The following GALNTL6 variants were observed in gnomAD, a reference collection of about 807,000 sequenced individuals.
GALNTL6 encodes polypeptide N-acetylgalactosaminyltransferase-like 6.
Under a neutral mutation model 73.7 loss-of-function variants are expected in GALNTL6, and 46 were observed. The observed-to-expected ratio is 0.62, with a 90% CI of 0.49 to 0.80. The LOEUF is 0.80. GALNTL6 is among the 30% of genes least tolerant of loss of function. The pLI is 0.00. For missense variants in GALNTL6, 604 were observed against 755.0 expected, an observed-to-expected ratio of 0.80 and a Z score of 2.34; for synonymous variants, 259 against 263.7, an observed-to-expected ratio of 0.98 and a Z score of 0.17.
intron 10 of GALNTL6, among the ~76,000 whole-genome samples, chr4:172,954,898 C>G (rs574913619): frequency 1.3e-5 from 2 of 152,208 alleles, no homozygotes; most frequent in Non-Finnish European, 2.9e-5. Flanking sequence ...GGGCCAGTTG[C>G]ATTCAGTTGA....
At chr4:171,823,921 T>G (rs1412468891) in intron 2 of GALNTL6, among the ~76,000 whole-genome samples, 2 of 150,546 alleles carry the variant, frequency 1.3e-5, no homozygotes, top group Admixed American at 1.3e-4. Context: ...AGATAATATA[T>G]TCATAATAAA....
chr4:172,407,818 T>A (rs1041507984), intron 5 of GALNTL6, among the ~76,000 whole-genome samples: 1 of 152,082 alleles, frequency 6.6e-6, no homozygotes, highest in African/African-American at 2.4e-5. Flanking sequence ...ATTGAATGTT[T>A]AGCTAATTCC....
Position 172,290,784 on chromosome 4 carries a change from G to A in GALNTL6, c.248-20830G>A, listed in dbSNP as rs187784566. On this transcript the variant is annotated intron_variant, in intron 3 of 12. Coordinates refer to ENST00000506823, the MANE Select transcript of GALNTL6 (RefSeq NM_001034845.3). Reference sequence around the variant, plus strand: ...ATTTATATATGTATTCACTAATTTGGAAAGTGGATGCTACATAAAAAAAGC... The same window carrying A: ...ATTTATATATGTATTCACTAATTTGAAAAGTGGATGCTACATAAAAAAAGC... Among the ~76,000 whole-genome samples the A allele has an allele frequency of 2.0e-5, 3 of 151,500 alleles. No homozygotes were observed. The East Asian group carries it at 5.8e-4, about 29-fold the overall frequency.
intron 10 of GALNTL6, among the ~76,000 whole-genome samples, chr4:173,007,089 A>G (rs1752336030): frequency 6.6e-6 from 1 of 152,152 alleles, no homozygotes; most frequent in Non-Finnish European, 1.5e-5. Context: ...CTCTACTCCT[A>G]GAATAAATGA....
At chr4:172,291,307 G>C (rs1465322747) in intron 3 of GALNTL6, among the ~76,000 whole-genome samples, 1 of 151,920 alleles carries the variant, frequency 6.6e-6, no homozygotes, top group Non-Finnish European at 1.5e-5. Flanking sequence ...ACATTTTGGG[G>C]ATTAAAATAA....
intron 3 of GALNTL6, among the ~76,000 whole-genome samples, chr4:172,238,712 G>T (rs1211784393): frequency 6.6e-6 from 1 of 151,944 alleles, no homozygotes; most frequent in Non-Finnish European, 1.5e-5. Flanking sequence ...GCTTTTGTCT[G>T]TTCTGTATGA....
intron 5 of GALNTL6, among the ~76,000 whole-genome samples, chr4:172,481,352 AGAGT>A (rs1733461067): frequency 6.6e-6 from 1 of 152,096 alleles, no homozygotes; most frequent in Non-Finnish European, 1.5e-5. Context: ...GCGGACCCAA[AGAGT>A]GAGCACCAGC....
chr4:171,868,838 C>T (rs1433133765), intron 2 of GALNTL6, among the ~76,000 whole-genome samples: 1 of 152,102 alleles, frequency 6.6e-6, no homozygotes, highest in Non-Finnish European at 1.5e-5. Flanking sequence ...TGGGCCCCCA[C>T]CTGGCTAAGT....
intron 2 of GALNTL6, among the ~76,000 whole-genome samples, chr4:172,027,379 C>G (rs568200420): frequency 5.5e-4 from 84 of 152,188 alleles, no homozygotes; most frequent in South Asian, 2.3e-3. Flanking sequence ...TATTATATCT[C>G]TTATGGTGAT....
chr4:173,040,131 A>G lies in GALNTL6; in HGVS notation c.*31A>G, dbSNP rs771574617. 6 of 1,532,598 alleles carry G rather than the reference A, an allele frequency of 3.9e-6. No individual in the cohort carries two copies. Among genetic ancestry groups the G allele is most frequent in the Non-Finnish European group, 5.4e-6 (6 of 1,118,762 alleles). The allele number at this position is 1,532,598 out of a possible 1,614,324, so 94.9% of individuals were successfully genotyped here. On this transcript the variant is annotated 3_prime_UTR_variant, in exon 13 of 13. Coordinates refer to ENST00000506823, the MANE Select transcript of GALNTL6 (RefSeq NM_001034845.3). ...AGAAAGGAAGAAAGAGTGATTACCTACAGGTTATAAATTAAATTTTAGCCA... is the reference window on the plus strand; with the variant it reads ...AGAAAGGAAGAAAGAGTGATTACCTGCAGGTTATAAATTAAATTTTAGCCA...
At chr4:172,308,774 T>G (rs1041919551) in intron 3 of GALNTL6, among the ~76,000 whole-genome samples, 1 of 152,192 alleles carries the variant, frequency 6.6e-6, no homozygotes, top group Non-Finnish European at 1.5e-5. Flanking sequence ...ATTTATGTCG[T>G]TTAAACATTT....
chr4:172,355,962 A>T (rs1181938974), intron 5 of GALNTL6, among the ~76,000 whole-genome samples: 1 of 152,150 alleles, frequency 6.6e-6, no homozygotes, highest in Non-Finnish European at 1.5e-5. Context: ...TCCTGGGCTC[A>T]TGTTTTAAAC....
intron 3 of GALNTL6, among the ~76,000 whole-genome samples, chr4:172,255,998 A>G (rs1284562541): frequency 1.3e-5 from 2 of 151,542 alleles, no homozygotes; most frequent in African/African-American, 2.4e-5. Context: ...AGTTCTATGC[A>G]TATCGCATAT....
intron 2 of GALNTL6, among the ~76,000 whole-genome samples, chr4:171,835,015 T>G (rs1016683078): frequency 2.0e-5 from 3 of 152,034 alleles, no homozygotes; most frequent in African/African-American, 7.2e-5. Flanking sequence ...CACCTAGTTT[T>G]ACCACTTATT....
At chr4:172,728,188 G>A (rs536407895) in intron 5 of GALNTL6, among the ~76,000 whole-genome samples, 1 of 152,134 alleles carries the variant, frequency 6.6e-6, no homozygotes, top group African/African-American at 2.4e-5. Context: ...CAGCCACCAA[G>A]CCCGGCCCAA....
rs145366599 is a variant in GALNTL6 at position 172,988,807 on chromosome 4, G to A, written c.1372-20371G>A. ...GTCTCAGGCCACTGCTCCAGAGGGT[G>A]CAAGCCCTAAGCCTTGGCAGCTTCC... is the stretch of plus-strand genomic sequence containing the variant. On this transcript the variant is annotated intron_variant, in intron 10 of 12. Coordinates refer to ENST00000506823, the MANE Select transcript of GALNTL6 (RefSeq NM_001034845.3). Among the ~76,000 whole-genome samples the A allele has an allele frequency of 7.8e-3, 1,189 of 152,378 alleles. 12 individuals carry two copies. Among genetic ancestry groups the A allele is most frequent in the African/African-American group, 0.028 (1,147 of 41,594 alleles).
At chr4:172,589,535 T>C (rs1737553702) in intron 5 of GALNTL6, among the ~76,000 whole-genome samples, 2 of 152,226 alleles carry the variant, frequency 1.3e-5, no homozygotes, top group African/African-American at 4.8e-5. Context: ...GTTAAGTAAC[T>C]GAGCTAGCCA....
At chr4:172,954,930 T>G (rs1749639295) in intron 10 of GALNTL6, among the ~76,000 whole-genome samples, 1 of 152,110 alleles carries the variant, frequency 6.6e-6, no homozygotes, top group Non-Finnish European at 1.5e-5. Context: ...GAAGATGTGA[T>G]GCATAGCAAG....
chr4:173,037,716 A>G (rs955516571), intron 12 of GALNTL6, among the ~76,000 whole-genome samples: 1 of 152,056 alleles, frequency 6.6e-6, no homozygotes, highest in Non-Finnish European at 1.5e-5. Context: ...TTGAGGGGGA[A>G]ATTGTGCTCA....
Sources: gnomAD v4.1 joint callset for allele counts (sites outside exome capture counted in the v4.1 genomes callset) on GRCh38, gnomAD v4.1.1 for gene constraint, MANE v1.5 for transcripts, NCBI Gene and HGNC (gene_info 2026-07-23, HGNC 2026-07-21) for gene names.